PHC2: variants seen among roughly 807,000 people sequenced by gnomAD.
The protein encoded by PHC2 is polyhomeotic homolog 2, also known as polyhomeotic-like protein 2.
A neutral mutation model predicts 87.4 loss-of-function variants in PHC2; 29 were observed. The ratio of observed to expected loss-of-function variants is 0.33; its 90% CI spans 0.25 to 0.45. The LOEUF (loss-of-function observed/expected upper bound fraction) is 0.45. Ranked by LOEUF, PHC2 falls within the 20% of genes least tolerant of loss-of-function variation. PHC2 has a pLI of 1.00. For synonymous variants in PHC2, 438 were observed against 461.7 expected, an observed-to-expected ratio of 0.95 and a Z score of 0.66; for missense variants, 857 against 1,136.7, an observed-to-expected ratio of 0.75 and a Z score of 3.54.
At chr1:33,346,255 CAG>C in intron 9 of PHC2, 1 of 985,192 alleles carries the variant, frequency 1.0e-6, no homozygotes, top group Non-Finnish European at 1.2e-6. Context: ...TGGGCAGGCT[CAG>C]AGGGGCACCT....
chr1:33,424,467 C>T (rs1405449979), intron 1 of PHC2, among the ~76,000 whole-genome samples: 1 of 152,170 alleles, frequency 6.6e-6, no homozygotes, highest in African/African-American at 2.4e-5. Flanking sequence ...CATATTTACA[C>T]ACTCACTCAA....
chr1:33,430,215 C>A (rs1458130162), intron 1 of PHC2, among the ~76,000 whole-genome samples: 1 of 152,182 alleles, frequency 6.6e-6, no homozygotes, highest in Non-Finnish European at 1.5e-5. Flanking sequence ...ATGACAGACC[C>A]GATCCAGGTG....
chr1:33,329,850 CA>C (rs1646451237), intron 13 of PHC2, among the ~76,000 whole-genome samples: 1 of 152,138 alleles, frequency 6.6e-6, no homozygotes, highest in African/African-American at 2.4e-5. Flanking sequence ...GATGTTGAGG[CA>C]AGGCCACGGA....
chr1:33,395,640 T>G (rs1240022777), intron 1 of PHC2, among the ~76,000 whole-genome samples: 1 of 152,184 alleles, frequency 6.6e-6, no homozygotes, highest in Non-Finnish European at 1.5e-5. Flanking sequence ...AAAATGTTAA[T>G]TGTAGAATCT....
rs147900992 is a variant in PHC2 at position 33,372,034 on chromosome 1, G to A, written c.333+255C>T. 4.5e-4 allele frequency among the ~76,000 whole-genome samples: 68 copies of A among 152,352 alleles called. 1 individual carries two copies. The highest frequency in any genetic ancestry group is 1.6e-3 in the African/African-American group (66 of 41,590). On this transcript the variant is annotated intron_variant, in intron 3 of 14. Coordinates refer to ENST00000683057, the MANE Select transcript of PHC2 (RefSeq NM_001385109.1). ...CTTTCCCTAGACCTGCGGTAAGGTG[G>A]TTAGGAGAGGGGCTCCCCGGCACTT...
chr1:33,398,034 T>C (rs1484447829), intron 1 of PHC2, among the ~76,000 whole-genome samples: 1 of 152,164 alleles, frequency 6.6e-6, no homozygotes, highest in African/African-American at 2.4e-5. Context: ...CTCAGACAGA[T>C]TGCAACTAAA....
chr1:33,426,921 T>C (rs1481439853), intron 1 of PHC2, among the ~76,000 whole-genome samples: 1 of 152,164 alleles, frequency 6.6e-6, no homozygotes, highest in African/African-American at 2.4e-5. Flanking sequence ...TTAAAAATCA[T>C]TAAGAATTTC....
chr1:33,391,314 C>T (rs937428471), intron 1 of PHC2, among the ~76,000 whole-genome samples: 8 of 152,116 alleles, frequency 5.3e-5, no homozygotes, highest in Admixed American at 2.0e-4. Context: ...TAATGAAAGT[C>T]GCCACTGGAG....
chr1:33,347,305 G>A, intron 9 of PHC2: 1 of 985,404 alleles, frequency 1.0e-6, no homozygotes, highest in South Asian at 4.7e-5. Flanking sequence ...GAAGGAGGCA[G>A]AGAATGCAGA....
chr1:33,330,939 G>A (rs113599384), intron 12 of PHC2, among the ~76,000 whole-genome samples: 3,202 of 152,294 alleles, frequency 0.021, 113 homozygotes, highest in African/African-American at 0.07. Context: ...CACACAGCAG[G>A]TTCTCAGGAA....
chr1:33,428,705 T>C (rs1037470782), intron 1 of PHC2, among the ~76,000 whole-genome samples: 3 of 152,222 alleles, frequency 2.0e-5, no homozygotes, highest in African/African-American at 7.2e-5. Context: ...TTCTCTGCTC[T>C]GTTAGCTAAG....
chr1:33,356,094 C>T (rs1647065087), intron 7 of PHC2, among the ~76,000 whole-genome samples: 1 of 151,748 alleles, frequency 6.6e-6, no homozygotes, highest in Admixed American at 6.6e-5. Flanking sequence ...TATCTGTCTT[C>T]CAGATCATGA....
chr1:33,325,879 C>T (rs1244880794), intron 14 of PHC2: 2 of 456,488 alleles, frequency 4.4e-6, no homozygotes, highest in African/African-American at 4.0e-5. Context: ...CAGAAGGACT[C>T]TGTGGAAAGC....
chr1:33,410,006 T>C (rs929446935), intron 1 of PHC2, among the ~76,000 whole-genome samples: 1 of 152,192 alleles, frequency 6.6e-6, no homozygotes, highest in East Asian at 1.9e-4. Context: ...GTCTGTTTGT[T>C]GAATATTTAG....
chr1:33,371,197 ACAG>A, intron 3 of PHC2, 103 bp from the exon 4 acceptor site: 1 of 902,280 alleles, frequency 1.1e-6, no homozygotes, highest in Non-Finnish European at 1.8e-6. Context: ...GTTAAGGACA[ACAG>A]CCTCTGGAGG....
chr1:33,366,590 C>T (rs916829791), intron 7 of PHC2, among the ~76,000 whole-genome samples: 1 of 152,196 alleles, frequency 6.6e-6, no homozygotes, highest in African/African-American at 2.4e-5. Context: ...TCTCTGTCTC[C>T]CCAGCTACAC....
At chr1:33,419,771 G>A (rs28452671) in intron 1 of PHC2, among the ~76,000 whole-genome samples, 29,377 of 151,910 alleles carry the variant, frequency 0.19, 2,961 homozygotes, top group South Asian at 0.25. Context: ...TACCACGCCC[G>A]GCTAATTTTT....
intron 7 of PHC2, among the ~76,000 whole-genome samples, chr1:33,361,947 G>A (rs925520545): frequency 2.0e-5 from 3 of 152,196 alleles, no homozygotes; most frequent in Non-Finnish European, 4.4e-5. Context: ...TGAGGAAATG[G>A]AGGTTTACAG....
Position 33,354,999 on chromosome 1 carries a change from T to G in PHC2, c.1231A>C (p.Thr411Pro). Residue 411 changes from threonine to proline, a missense_variant, in exon 8 of 15, where the codon ACT (threonine) becomes CCT (proline). Around this residue, in one of 3 missense-constraint regions of PHC2, gnomAD observed 832 missense variants for 1,081.8 expected, o/e 0.77. Coordinates refer to ENST00000683057, the MANE Select transcript of PHC2 (RefSeq NM_001385109.1). ...CCGCCAGGCTTGTGCAGGTTGGCAG[T>G]GGGACACTGGAGTGGCAGGGCGGGT... The part of the protein sequence containing the change: ...VTPALPLQCP[T>P]ANLHKPGGSQ... The G allele has an allele frequency of 6.2e-7, 1 of 1,614,026 alleles. No homozygotes were observed. Among genetic ancestry groups the G allele is most frequent in the Non-Finnish European group, 8.5e-7 (1 of 1,180,016 alleles).
Sources: allele counts gnomAD v4.1 joint callset (sites outside exome capture counted in the v4.1 genomes callset), GRCh38; gene constraint gnomAD v4.1.1; regional missense constraint gnomAD v4.1.1; transcripts MANE v1.5; gene names NCBI Gene and HGNC (gene_info 2026-07-23, HGNC 2026-07-21).